Variants in RERE observed in about 807,000 individuals in gnomAD.
RERE encodes arginine-glutamic acid dipeptide repeats.
Under a neutral mutation model 146.1 loss-of-function variants are expected in RERE, and 40 were observed. The observed-to-expected ratio is 0.27, with a 90% CI of 0.21 to 0.36. RERE has a LOEUF of 0.36. Ranked by LOEUF, RERE falls within the 10% of genes least tolerant of loss-of-function variation. The pLI is 1.00. For missense variants in RERE, 1,933 were observed against 2,138.7 expected, an observed-to-expected ratio of 0.90 and a Z score of 1.90; for synonymous variants, 1,003 against 866.0, an observed-to-expected ratio of 1.16 and a Z score of -2.78.
intron 15 of RERE, 193 bp downstream of exon 15, chr1:8,363,863 G>C (rs1363953078): frequency 1.6e-6 from 1 of 606,892 alleles, no homozygotes; most frequent in Non-Finnish European, 2.9e-6. Flanking sequence ...GCCACCCTGG[G>C]GCCCCTCGAA....
intron 1 of RERE, among the ~76,000 whole-genome samples, chr1:8,813,275 C>T (rs546056167): frequency 6.6e-6 from 1 of 152,184 alleles, no homozygotes; most frequent in Non-Finnish European, 1.5e-5. Flanking sequence ...CTCACTTAAA[C>T]ATTTGAATTT....
chr1:8,670,407 G>A (rs1312702446), intron 1 of RERE, among the ~76,000 whole-genome samples: 2 of 152,172 alleles, frequency 1.3e-5, no homozygotes, highest in African/African-American at 4.8e-5. Context: ...TAGGAGCTAT[G>A]TCCAGAACAC....
At chr1:8,484,957 T>C (rs1438198841) in intron 10 of RERE, among the ~76,000 whole-genome samples, 1 of 152,242 alleles carries the variant, frequency 6.6e-6, no homozygotes, top group Non-Finnish European at 1.5e-5. Context: ...AAAGAACAAC[T>C]GTCCTGAACT....
intron 1 of RERE, among the ~76,000 whole-genome samples, chr1:8,719,242 C>T (rs187047036): frequency 6.6e-6 from 1 of 152,284 alleles, no homozygotes; most frequent in African/African-American, 2.4e-5. Flanking sequence ...CCTTTCCTGC[C>T]TCCTCTCTCC....
At chr1:8,417,425 T>C (rs948284423) in intron 12 of RERE, among the ~76,000 whole-genome samples, 2 of 152,212 alleles carry the variant, frequency 1.3e-5, no homozygotes, top group Non-Finnish European at 2.9e-5. Flanking sequence ...ATTTATTAAA[T>C]TAAAAATTTA....
At chr1:8,454,136 T>C (rs1644422705) in intron 11 of RERE, among the ~76,000 whole-genome samples, 1 of 152,228 alleles carries the variant, frequency 6.6e-6, no homozygotes, top group Non-Finnish European at 1.5e-5. Context: ...CTCATTAGCC[T>C]GCATCTCTGT....
chr1:8,525,876 G>A (rs1645564299), intron 7 of RERE: 7 of 1,460,488 alleles, frequency 4.8e-6, no homozygotes, highest in Non-Finnish European at 6.3e-6. Flanking sequence ...AACTCAAAAT[G>A]GAGGCACATG....
At position 8,750,970 on chromosome 1, in the gene RERE, T is replaced by C. The variant is rs1342144750; in HGVS notation, c.-145+66190A>G. On this transcript the variant is annotated intron_variant, in intron 1 of 22. Coordinates refer to ENST00000400908, the MANE Select transcript of RERE (RefSeq NM_001042681.2). ...TGATTGCTCTATCTCTTGGTAAATATGGCATCATCTGCATGGAGGATCTGA... is the reference window on the plus strand; with the variant it reads ...TGATTGCTCTATCTCTTGGTAAATACGGCATCATCTGCATGGAGGATCTGA... 4 of 691,984 alleles carry C rather than the reference T, an allele frequency of 5.8e-6. No homozygotes were observed. The East Asian group carries it at 7.5e-5, about 13-fold the overall frequency. 42.9% of individuals were successfully genotyped at this position (691,984 alleles called of 1,614,324 possible). A position where few individuals can be genotyped will look rare whatever the true frequency, so the allele number is the denominator to read the frequency against.
chr1:8,580,271 T>A (rs1215556907), intron 4 of RERE, among the ~76,000 whole-genome samples: 1 of 152,020 alleles, frequency 6.6e-6, no homozygotes, highest in Non-Finnish European at 1.5e-5. Context: ...CTAGAGAAAA[T>A]TCATGAATAA....
At chr1:8,699,526 A>C (rs1014895670) in intron 1 of RERE, among the ~76,000 whole-genome samples, 1 of 152,226 alleles carries the variant, frequency 6.6e-6, no homozygotes. Context: ...GGAAAGTCTA[A>C]GACCCCAATC....
At chr1:8,695,263 T>C (rs1228843076) in intron 1 of RERE, among the ~76,000 whole-genome samples, 1 of 151,914 alleles carries the variant, frequency 6.6e-6, no homozygotes, top group African/African-American at 2.4e-5. Context: ...AAACATCAAC[T>C]CAAGGTGGAT....
chr1:8,403,917 A>G (rs755529928), intron 12 of RERE, among the ~76,000 whole-genome samples: 1 of 137,818 alleles, frequency 7.3e-6, no homozygotes, highest in African/African-American at 2.8e-5. Context: ...TGCAACCTCC[A>G]TCTCGCGGGT....
intron 1 of RERE, among the ~76,000 whole-genome samples, chr1:8,783,563 G>T (rs1217772575): frequency 6.6e-6 from 1 of 152,120 alleles, no homozygotes; most frequent in African/African-American, 2.4e-5. Context: ...AATGCACTAT[G>T]GGAGGCCGAA....
chr1:8,495,046 G>A lies in RERE; in HGVS notation c.1104+17C>T. 6.4e-7 allele frequency: 1 copy of A among 1,563,654 alleles called. No individual in the cohort carries two copies. Among genetic ancestry groups the A allele is most frequent in the Non-Finnish European group, 8.8e-7 (1 of 1,134,138 alleles). ...AAAGAAGTGTCTTCCCACTCAGGGT[G>A]ACTTCAAAAGACTTACTGTGTTCAG... On this transcript the variant is annotated intron_variant, in intron 10 of 22. Coordinates refer to ENST00000400908, the MANE Select transcript of RERE (RefSeq NM_001042681.2).
intron 2 of RERE, among the ~76,000 whole-genome samples, chr1:8,648,645 T>C (rs1229001860): frequency 6.6e-6 from 1 of 152,180 alleles, no homozygotes. Flanking sequence ...TTAAATTCCA[T>C]TTGCATCAAA....
At chr1:8,615,665 G>GGCA (rs1646844491) in intron 3 of RERE, among the ~76,000 whole-genome samples, 1 of 152,064 alleles carries the variant, frequency 6.6e-6, no homozygotes, top group African/African-American at 2.4e-5. Flanking sequence ...CATTATTAGG[G>GGCA]TGTCCTGTTA....
At chr1:8,613,793 C>T (rs1336618459) in intron 4 of RERE, among the ~76,000 whole-genome samples, 1 of 152,096 alleles carries the variant, frequency 6.6e-6, no homozygotes. Context: ...ATAATAAATA[C>T]TCGACTTTCA....
At chr1:8,687,234 C>T (rs1053391571) in intron 1 of RERE, among the ~76,000 whole-genome samples, 2 of 151,924 alleles carry the variant, frequency 1.3e-5, no homozygotes, top group African/African-American at 2.4e-5. Context: ...GCACGGGTGG[C>T]GCCTCAGAGA....
rs1191360723 is a variant in RERE, at chr1:8,660,378, C to T, written c.-144-3937G>A. On this transcript the variant is annotated intron_variant, in intron 1 of 22. Coordinates refer to ENST00000400908, the MANE Select transcript of RERE (RefSeq NM_001042681.2). ...ACTTCAATTTGCTAGAAATGATCTACAAAGTAGACGATACAACAACAGCAT... is the reference window on the plus strand; with the variant it reads ...ACTTCAATTTGCTAGAAATGATCTATAAAGTAGACGATACAACAACAGCAT... 2.0e-5 allele frequency among the ~76,000 whole-genome samples: 3 copies of T among 152,206 alleles called. No individual in the cohort carries two copies. The East Asian group carries it at 5.8e-4, about 29-fold the overall frequency.
Sources: gnomAD v4.1 joint callset for allele counts (sites outside exome capture counted in the v4.1 genomes callset) on GRCh38, gnomAD v4.1.1 for gene constraint, MANE v1.5 for transcripts, NCBI Gene and HGNC (gene_info 2026-07-23, HGNC 2026-07-21) for gene names.